Variants in CFAP70 observed in about 807,000 individuals in gnomAD.
The protein encoded by CFAP70 is cilia- and flagella-associated protein 70.
In CFAP70, 81 loss-of-function variants were observed where a neutral mutation model predicts 137.6. The ratio of observed to expected loss-of-function variants is 0.59; its 90% confidence interval spans 0.49 to 0.71. The LOEUF (loss-of-function observed/expected upper bound fraction) is 0.71. Ranked by LOEUF, CFAP70 falls within the 30% of genes least tolerant of loss-of-function variation. The pLI is 0.00. For synonymous variants in CFAP70, 382 were observed against 423.6 expected, an observed-to-expected ratio of 0.90 and a Z score of 1.20; for missense variants, 976 against 1,226.7, an observed-to-expected ratio of 0.80 and a Z score of 3.05.
intron 24 of CFAP70, among the ~76,000 whole-genome samples, chr10:73,271,980 C>T (rs1166262181): frequency 6.6e-6 from 1 of 152,188 alleles, no homozygotes; most frequent in Non-Finnish European, 1.5e-5. Flanking sequence ...GCTGGAATTA[C>T]AGGTGTGAGC....
At chr10:73,356,174 T>A (rs758463279) in intron 1 of CFAP70, among the ~76,000 whole-genome samples, 37 of 152,016 alleles carry the variant, frequency 2.4e-4, no homozygotes, top group Admixed American at 1.4e-3. Context: ...GATATTTGTT[T>A]TTTGGAAAAG....
intron 26 of CFAP70, among the ~76,000 whole-genome samples, chr10:73,255,556 A>C (rs1375512657): frequency 6.6e-6 from 1 of 152,170 alleles, no homozygotes; most frequent in East Asian, 1.9e-4. Context: ...TCTGTCTCAA[A>C]ATATATATGT....
chr10:73,264,320 T>C (rs993211924), intron 25 of CFAP70, among the ~76,000 whole-genome samples: 1 of 152,212 alleles, frequency 6.6e-6, no homozygotes, highest in African/African-American at 2.4e-5. Flanking sequence ...GATGTGCTTA[T>C]GCCCCCTGCC....
At chr10:73,297,051 G>A in exon 15 of CFAP70, 1 of 1,613,364 alleles carries the variant, frequency 6.2e-7, no homozygotes, top group East Asian at 2.2e-5. Context: ...CCTGGTTTAG[G>A]GCTACATGCA....
intron 25 of CFAP70, among the ~76,000 whole-genome samples, chr10:73,266,617 A>C (rs568406161): frequency 6.6e-6 from 1 of 152,346 alleles, no homozygotes; most frequent in East Asian, 1.9e-4. Flanking sequence ...ATGTAGTTTC[A>C]GATTTTAAAA....
intron 8 of CFAP70, among the ~76,000 whole-genome samples, chr10:73,325,004 T>C (rs7077683): frequency 0.15 from 23,289 of 151,986 alleles, 2,921 homozygotes; most frequent in African/African-American, 0.32. Context: ...AGATACTCCT[T>C]GAGAAGAGCA....
At chr10:73,302,853 T>C (rs1022882784) in intron 12 of CFAP70, among the ~76,000 whole-genome samples, 1 of 151,670 alleles carries the variant, frequency 6.6e-6, no homozygotes, top group Non-Finnish European at 1.5e-5. Flanking sequence ...TTACAAGTAT[T>C]GACTATAATT....
At chr10:73,303,896 T>C (rs2049156354) in intron 12 of CFAP70, among the ~76,000 whole-genome samples, 1 of 152,212 alleles carries the variant, frequency 6.6e-6, no homozygotes, top group Non-Finnish European at 1.5e-5. Context: ...TCTTCCTTTA[T>C]GATTAAAATT....
rs539806329 is a variant in CFAP70, at chr10:73,299,756, G to T, written c.1257-91C>A. 1.8e-5 allele frequency: 18 copies of T among 1,004,012 alleles called. No homozygotes were observed. In the East Asian group the frequency reaches 5.4e-4, roughly 30 times the overall value. The allele number at this position is 1,004,012 out of a possible 1,614,324, so 62.2% of individuals were successfully genotyped here. On this transcript the variant is annotated intron_variant, in intron 12 of 26. Transcript: ENST00000310715. The stretch of plus-strand genomic sequence containing the variant: ...CTTTTATCTTATCCTCAAAGTGTCT[G>T]GGTGGGGGAGATCTGAGGTCTGTTC...
intron 6 of CFAP70, among the ~76,000 whole-genome samples, chr10:73,335,836 GTT>G (rs34962290): frequency 7.2e-6 from 1 of 139,818 alleles, no homozygotes. Flanking sequence ...TGGAGTTTTT[GTT>G]TTTTTTTTTT....
At chr10:73,315,377 G>A (rs1292253033) in intron 9 of CFAP70, among the ~76,000 whole-genome samples, 1 of 152,012 alleles carries the variant, frequency 6.6e-6, no homozygotes, top group Non-Finnish European at 1.5e-5. Context: ...ACCACATTTT[G>A]TTTATCTATT....
Position 73,278,177 on chromosome 10 carries a change from A to G in CFAP70, c.2398+2T>C, listed in dbSNP as rs748115516. ...CAAGTGGAAATCTTTATTTCTAGTT[A>G]CCTTTCTTTGTTGGTATCTCCTTGA... On this transcript the variant is annotated splice_donor_variant, in intron 20 of 26. Coordinates refer to ENST00000310715, the Ensembl canonical transcript of CFAP70. LOFTEE classifies it high-confidence loss of function. 2.5e-6 allele frequency: 4 copies of G among 1,612,774 alleles called. No homozygotes were observed.
At chr10:73,272,868 G>T in intron 24 of CFAP70, 60 bp downstream of exon 25, 1 of 1,419,704 alleles carries the variant, frequency 7.0e-7, no homozygotes, top group Non-Finnish European at 9.7e-7. Flanking sequence ...ATGCTTGGAA[G>T]GCCAAGGAAT....
intron 25 of CFAP70, among the ~76,000 whole-genome samples, chr10:73,268,660 CTGGGGTAA>C (rs931186664): frequency 6.6e-6 from 1 of 151,820 alleles, no homozygotes; most frequent in Non-Finnish European, 1.5e-5. Context: ...TAGGGGAGAG[CTGGGGTAA>C]GAACTCTTTT....
At chr10:73,271,776 C>T (rs1434881497) in intron 24 of CFAP70, among the ~76,000 whole-genome samples, 1 of 152,058 alleles carries the variant, frequency 6.6e-6, no homozygotes, top group Non-Finnish European at 1.5e-5. Flanking sequence ...CTCACTGCAG[C>T]CTCTAACTTC....
intron 26 of CFAP70, among the ~76,000 whole-genome samples, chr10:73,254,974 TAGAACAG>T (rs2044322870): frequency 6.6e-6 from 1 of 152,158 alleles, no homozygotes; most frequent in Non-Finnish European, 1.5e-5. Flanking sequence ...TCATAACTAA[TAGAACAG>T]GCCAGGCATG....
intron 6 of CFAP70, among the ~76,000 whole-genome samples, chr10:73,335,817 A>G (rs1194783718): frequency 1.3e-5 from 2 of 151,662 alleles, no homozygotes; most frequent in Non-Finnish European, 2.9e-5. Context: ...GATGCATATT[A>G]AAATCATCTG....
Position 73,262,030 on chromosome 10 carries a change from TG to T in CFAP70, c.3028-5615del, listed in dbSNP as rs1489274897. On this transcript the variant is annotated intron_variant, in intron 25 of 26. Transcript: ENST00000310715. ...TATGTATATATGTATATATTATATATGTATATATGTATATATTATATATTAT... is the reference window on the plus strand; with the variant it reads ...TATGTATATATGTATATATTATATATTATATATGTATATATTATATATTAT... Among the ~76,000 whole-genome samples, 222 of 134,004 alleles carry T rather than the reference TG, an allele frequency of 1.7e-3. 1 individual carries two copies. Among genetic ancestry groups the T allele is most frequent in the African/African-American group, 6.3e-3 (182 of 29,032 alleles). 87.9% of individuals were successfully genotyped at this position (134,004 alleles called of 152,430 possible). A position where few individuals can be genotyped will look rare whatever the true frequency, so the allele number is the denominator to read the frequency against.
At chr10:73,283,113 G>A (rs191285631) in intron 19 of CFAP70, among the ~76,000 whole-genome samples, 11 of 152,190 alleles carry the variant, frequency 7.2e-5, no homozygotes, top group East Asian at 1.9e-4. Flanking sequence ...GATTACAGGC[G>A]TGAGCCAAGA....
Sources: allele counts gnomAD v4.1 joint callset (sites outside exome capture counted in the v4.1 genomes callset), GRCh38; gene constraint gnomAD v4.1.1; transcripts MANE v1.5; gene names NCBI Gene and HGNC (gene_info 2026-07-23, HGNC 2026-07-21).